Variants in DMD observed in about 807,000 individuals in gnomAD.
DMD encodes the protein mutant dystrophin.
In DMD, 63 loss-of-function variants were observed where a neutral mutation model predicts 330.1. The observed-to-expected ratio is 0.19, with a 90% CI of 0.16 to 0.24. DMD has a LOEUF of 0.24. Ranked by LOEUF, DMD falls within the 10% of genes least tolerant of loss-of-function variation. The pLI, the probability that DMD is intolerant of heterozygous loss-of-function variation, is 1.00. For synonymous variants in DMD, 1,223 were observed against 959.8 expected, an observed-to-expected ratio of 1.27 and a Z score of -5.07; for missense variants, 3,344 against 2,684.1, an observed-to-expected ratio of 1.25 and a Z score of -5.43.
At chrX:33,002,474 T>C (rs1256616244) in intron 2 of DMD, among the ~76,000 whole-genome samples, 2 of 110,338 alleles carry the variant, frequency 1.8e-5, no homozygotes, top group African/African-American at 6.6e-5. Flanking sequence ...TGGCCTGCAA[T>C]TGGTCTGATT....
chrX:31,845,420 T>TCTCC (rs1309341362), intron 48 of DMD, among the ~76,000 whole-genome samples: 3 of 87,836 alleles, frequency 3.4e-5, no homozygotes, highest in Non-Finnish European at 6.5e-5. Flanking sequence ...TCTCTCTCTC[T>TCTCC]CTCTCCCTCT....
At chrX:32,441,753 CATT>C (rs1395700022) in intron 27 of DMD, among the ~76,000 whole-genome samples, 1 of 111,345 alleles carries the variant, frequency 9.0e-6, no homozygotes, top group East Asian at 2.8e-4. Context: ...TTTCACTAAA[CATT>C]ATATCATACC....
intron 1 of DMD, among the ~76,000 whole-genome samples, chrX:33,321,081 T>A (rs906080034): frequency 8.1e-5 from 9 of 111,504 alleles, no homozygotes; most frequent in African/African-American, 2.9e-4. Context: ...AAGTCATCCA[T>A]GAGGGTTGAA....
intron 77 of DMD, 133 bp from the exon 78 acceptor site, chrX:31,126,806 A>G (rs900253921): frequency 1.5e-4 from 8 of 53,112 alleles, no homozygotes; most frequent in South Asian, 4.1e-4. Context: ...TCTGCTGGAA[A>G]AAAAAAAAAA....
At chrX:32,500,484 T>C (rs1291914989) in intron 19 of DMD, among the ~76,000 whole-genome samples, 1 of 112,021 alleles carries the variant, frequency 8.9e-6, no homozygotes, top group African/African-American at 3.2e-5. Context: ...TAGGTAAGCT[T>C]GATATATAAC....
intron 52 of DMD, among the ~76,000 whole-genome samples, chrX:31,720,895 C>G (rs1431233243): frequency 9.0e-6 from 1 of 110,771 alleles, no homozygotes; most frequent in African/African-American, 3.3e-5. Context: ...AAATCCTATT[C>G]AAATATGTTT....
At chrX:32,341,373 A>G (rs2097741515) in intron 41 of DMD, among the ~76,000 whole-genome samples, 1 of 112,166 alleles carries the variant, frequency 8.9e-6, no homozygotes, top group Non-Finnish European at 1.9e-5. Context: ...GTTTATACCT[A>G]CTACAAATAA....
At chrX:33,236,352 C>T (rs1317542572) in intron 1 of DMD, among the ~76,000 whole-genome samples, 1 of 107,898 alleles carries the variant, frequency 9.3e-6, no homozygotes, top group Non-Finnish European at 1.9e-5. Flanking sequence ...GCAACCTCAG[C>T]CTTCCAGGTT....
intron 76 of DMD, among the ~76,000 whole-genome samples, chrX:31,140,808 A>T (rs1172056594): frequency 2.7e-5 from 3 of 112,184 alleles, no homozygotes; most frequent in Non-Finnish European, 1.9e-5. Flanking sequence ...ATCCTCATAC[A>T]GTAACGACAA....
intron 43 of DMD, among the ~76,000 whole-genome samples, chrX:32,223,498 C>G (rs930122824): frequency 1.8e-5 from 2 of 111,511 alleles, no homozygotes; most frequent in African/African-American, 6.5e-5. Context: ...TACTATGCTG[C>G]TATGACATTC....
intron 55 of DMD, among the ~76,000 whole-genome samples, chrX:31,569,624 G>A (rs1354759896): frequency 3.1e-5 from 3 of 96,902 alleles, no homozygotes; most frequent in Non-Finnish European, 6.1e-5. Context: ...GTATATATAC[G>A]TATATACGTA....
intron 30 of DMD, among the ~76,000 whole-genome samples, chrX:32,403,855 C>T (rs969994520): frequency 1.8e-5 from 2 of 111,977 alleles, no homozygotes; most frequent in African/African-American, 6.5e-5. Context: ...TCTTCTTTGA[C>T]TAAATTATCC....
intron 44 of DMD, among the ~76,000 whole-genome samples, chrX:32,214,816 C>A (rs141100637): frequency 1.7e-3 from 192 of 111,767 alleles, no homozygotes; most frequent in African/African-American, 5.9e-3. Context: ...GTATCAAGCA[C>A]GCGCTAAGTT....
rs183749153 is a variant in DMD, at chrX:32,810,937, C to T, written c.531-1326G>A. ...GTTTCCTGCACTTGGATTTGGAATT[C>T]GCTTTTCGAAGACATAAACATGGCT... On this transcript the variant is annotated intron_variant, in intron 6 of 78. Transcript: ENST00000357033. 2.8e-3 allele frequency among the ~76,000 whole-genome samples: 313 copies of T among 111,162 alleles called. 1 individual carries two copies. Among genetic ancestry groups the T allele is most frequent in the African/African-American group, 9.5e-3 (291 of 30,565 alleles).
intron 44 of DMD, among the ~76,000 whole-genome samples, chrX:32,044,958 C>T (rs1424449783): frequency 8.9e-6 from 1 of 111,834 alleles, no homozygotes; most frequent in African/African-American, 3.3e-5. Context: ...ACTCAAATCT[C>T]AAGTGGAAAT....
At chrX:32,597,018 T>A (rs2055631435) in intron 12 of DMD, among the ~76,000 whole-genome samples, 1 of 111,872 alleles carries the variant, frequency 8.9e-6, no homozygotes, top group Non-Finnish European at 1.9e-5. Flanking sequence ...CTCACCAGTC[T>A]AATTGTATAC....
chrX:32,471,179 A>C (rs1603634276), intron 22 of DMD, among the ~76,000 whole-genome samples: 1 of 111,204 alleles, frequency 9.0e-6, no homozygotes, highest in Non-Finnish European at 1.9e-5. Flanking sequence ...TCAGGAGGCT[A>C]AGGCAGGAGA....
chrX:31,393,739 A>T lies in DMD; in HGVS notation c.9085-45105T>A, dbSNP rs767994636. On this transcript the variant is annotated intron_variant, in intron 60 of 78. Coordinates refer to ENST00000357033, the MANE Select transcript of DMD (RefSeq NM_004006.3). ...CCTATTGAACAGATAAATAAATGGAAGCACTACAAAAGGGAGTTGTTAGTA... is the reference window on the plus strand; with the variant it reads ...CCTATTGAACAGATAAATAAATGGATGCACTACAAAAGGGAGTTGTTAGTA... 7.1e-5 allele frequency among the ~76,000 whole-genome samples: 8 copies of T among 111,901 alleles called. No homozygotes were observed. In the East Asian group the frequency reaches 2.2e-3, roughly 31 times the overall value.
At chrX:32,640,282 T>G (rs2059367375) in intron 11 of DMD, among the ~76,000 whole-genome samples, 1 of 107,682 alleles carries the variant, frequency 9.3e-6, no homozygotes, top group Non-Finnish European at 1.9e-5. Flanking sequence ...TCTCATCTAG[T>G]ATCTTTCAGA....
Sources: gnomAD v4.1 joint callset for allele counts (sites outside exome capture counted in the v4.1 genomes callset) on GRCh38, gnomAD v4.1.1 for gene constraint, MANE v1.5 for transcripts, NCBI Gene and HGNC (gene_info 2026-07-23, HGNC 2026-07-21) for gene names.